Variants in STK32B observed in about 807,000 individuals in gnomAD.
STK32B encodes serine/threonine-protein kinase 32B.
In STK32B, 43 loss-of-function variants were observed where a neutral mutation model predicts 52.6. The observed-to-expected ratio is 0.82, with a 90% CI of 0.64 to 1.05. STK32B has a LOEUF of 1.05. Ranked by LOEUF, STK32B falls within the 50% of genes least tolerant of loss-of-function variation. The pLI, the probability that STK32B is intolerant of heterozygous loss-of-function variation, is 0.00. For missense variants in STK32B, 621 were observed against 534.6 expected, an observed-to-expected ratio of 1.16 and a Z score of -1.59; for synonymous variants, 238 against 204.3, an observed-to-expected ratio of 1.17 and a Z score of -1.41.
upstream of STK32B, among the ~76,000 whole-genome samples, chr4:5,047,416 T>A (rs554168542): frequency 6.6e-6 from 1 of 152,078 alleles, no homozygotes; most frequent in South Asian, 2.1e-4. Context: ...TGTCTACTTA[T>A]GTAACAAACC....
the STK32B span, among the ~76,000 whole-genome samples, chr4:5,038,835 C>G: frequency 6.6e-6 from 1 of 152,102 alleles, no homozygotes; most frequent in Non-Finnish European, 1.5e-5. Context: ...TTTATAAAAA[C>G]ATATTTTATT....
intron 4 of STK32B, among the ~76,000 whole-genome samples, chr4:5,397,619 C>G (rs1304896899): frequency 2.0e-5 from 3 of 152,212 alleles, no homozygotes; most frequent in Non-Finnish European, 2.9e-5. Context: ...CCACATTAAT[C>G]TCTGTTGCGT....
chr4:5,245,322 C>G (rs927613097), intron 3 of STK32B, among the ~76,000 whole-genome samples: 2 of 152,124 alleles, frequency 1.3e-5, no homozygotes, highest in Non-Finnish European at 2.9e-5. Flanking sequence ...GATCCCTTTA[C>G]CATTATGTAA....
the STK32B span, among the ~76,000 whole-genome samples, chr4:5,023,674 C>T: frequency 1.2e-4 from 19 of 152,228 alleles, no homozygotes; most frequent in African/African-American, 3.9e-4. Context: ...ATCCCCACTT[C>T]GTGAACCCTT....
At chr4:5,198,916 C>CAACTG (rs1721908924) in intron 3 of STK32B, among the ~76,000 whole-genome samples, 1 of 149,298 alleles carries the variant, frequency 6.7e-6, no homozygotes, top group Admixed American at 6.6e-5. Context: ...CTGATCCTGT[C>CAACTG]TTTCCTTCCT....
At chr4:5,130,968 C>G (rs977379131) in intron 1 of STK32B, among the ~76,000 whole-genome samples, 18 of 152,102 alleles carry the variant, frequency 1.2e-4, no homozygotes, top group South Asian at 2.1e-4. Flanking sequence ...CCTGATGGTC[C>G]CAAGAGGATG....
At chr4:5,226,884 A>G (rs901855708) in intron 3 of STK32B, among the ~76,000 whole-genome samples, 4 of 152,192 alleles carry the variant, frequency 2.6e-5, no homozygotes, top group African/African-American at 9.6e-5. Flanking sequence ...TACTCCGTGG[A>G]TAAGGTGGGA....
intron 1 of STK32B, among the ~76,000 whole-genome samples, chr4:5,128,027 A>G (rs1300933262): frequency 6.6e-6 from 1 of 152,202 alleles, no homozygotes; most frequent in Non-Finnish European, 1.5e-5. Context: ...ACTGTGAGTC[A>G]GTTAAACTTC....
intron 4 of STK32B, among the ~76,000 whole-genome samples, chr4:5,351,718 CTAAA>C (rs1414287795): frequency 2.0e-5 from 3 of 151,722 alleles, no homozygotes; most frequent in Non-Finnish European, 4.4e-5. Context: ...ACCAGCTTGA[CTAAA>C]TAAGAAAAAA....
intron 5 of STK32B, among the ~76,000 whole-genome samples, chr4:5,408,370 G>A (rs554430578): frequency 1.6e-4 from 24 of 151,958 alleles, no homozygotes; most frequent in Non-Finnish European, 3.2e-4. Flanking sequence ...ACCTACCCCC[G>A]TCTCTCTTCC....
At chr4:5,435,299 C>A (rs1270883817) in intron 6 of STK32B, among the ~76,000 whole-genome samples, 1 of 152,184 alleles carries the variant, frequency 6.6e-6, no homozygotes, top group Admixed American at 6.5e-5. Flanking sequence ...GACTACCTTT[C>A]TGGGCATAAC....
At chr4:5,243,374 CTGTT>C (rs1309020048) in intron 3 of STK32B, among the ~76,000 whole-genome samples, 3 of 152,140 alleles carry the variant, frequency 2.0e-5, no homozygotes, top group African/African-American at 4.8e-5. Flanking sequence ...ATTTGGCTCT[CTGTT>C]TGTCTGTTAT....
intron 1 of STK32B, among the ~76,000 whole-genome samples, chr4:5,122,217 C>T (rs1715068632): frequency 6.6e-6 from 1 of 152,108 alleles, no homozygotes. Context: ...TTTACTCATT[C>T]ACTCGCTTAT....
intron 1 of STK32B, among the ~76,000 whole-genome samples, chr4:5,117,558 T>C (rs1449837422): frequency 6.6e-6 from 1 of 152,202 alleles, no homozygotes; most frequent in Non-Finnish European, 1.5e-5. Context: ...TATTTCTTCC[T>C]TTGTGGTTGG....
intron 1 of STK32B, among the ~76,000 whole-genome samples, chr4:5,075,663 A>G (rs1460928119): frequency 6.6e-6 from 1 of 152,162 alleles, no homozygotes; most frequent in East Asian, 1.9e-4. Context: ...TTATTATAAA[A>G]AAATTGAAAA....
intron 3 of STK32B, among the ~76,000 whole-genome samples, chr4:5,213,676 T>C (rs1723028215): frequency 6.6e-6 from 1 of 152,248 alleles, no homozygotes; most frequent in African/African-American, 2.4e-5. Flanking sequence ...TACTTCCTTC[T>C]TAGCGAAGCT....
chr4:5,176,238 G>A (rs555581545), intron 3 of STK32B, among the ~76,000 whole-genome samples: 13 of 152,148 alleles, frequency 8.5e-5, no homozygotes, highest in Non-Finnish European at 8.8e-5. Flanking sequence ...TCTCTGACCC[G>A]TTGCACTTCC....
At chr4:5,278,169 A>G (rs1050829799) in intron 3 of STK32B, among the ~76,000 whole-genome samples, 1 of 152,226 alleles carries the variant, frequency 6.6e-6, no homozygotes, top group Non-Finnish European at 1.5e-5. Context: ...AGTCTATGAC[A>G]TGAAGAGCCT....
intron 1 of STK32B, among the ~76,000 whole-genome samples, chr4:5,053,246 G>T (rs534146170): frequency 1.5e-4 from 23 of 152,324 alleles, no homozygotes; most frequent in Non-Finnish European, 2.9e-4. Context: ...AGGGCATTGA[G>T]AAACCAGTGC....
Sources: gnomAD v4.1 joint callset for allele counts (sites outside exome capture counted in the v4.1 genomes callset) on GRCh38, gnomAD v4.1.1 for gene constraint, MANE v1.5 for transcripts, NCBI Gene and HGNC (gene_info 2026-07-23, HGNC 2026-07-21) for gene names.